The following BCL10 variants were observed in gnomAD, a reference collection of about 807,000 sequenced individuals.
The protein encoded by BCL10 is B-cell lymphoma/leukemia 10.
A neutral mutation model predicts 19.2 loss-of-function variants in BCL10; 5 were observed. The observed-to-expected ratio is 0.26, with a 90% confidence interval of 0.14 to 0.55. The LOEUF (loss-of-function observed/expected upper bound fraction) is 0.55, where lower values mean the gene tolerates loss of function less well. BCL10 is among the 20% of genes least tolerant of loss of function. The probability of loss-of-function intolerance (pLI) is 0.94; values close to 1 mark genes in which losing one functional copy is unlikely to be tolerated. For synonymous variants in BCL10, 110 were observed against 98.8 expected (o/e 1.11, Z -0.67); for missense variants, 201 against 271.9 (o/e 0.74, Z 1.83).
At position 85,267,556 on chromosome 1, in the gene BCL10, G is replaced by A. The variant is rs1339049790; in HGVS notation, c.*71C>T. ...CATCAAATGTAAACAAATGATTACA[G>A]CCATTTTATAAAAAGTCATATTCTT... is the stretch of plus-strand genomic sequence containing the variant. On this transcript the variant is annotated 3_prime_UTR_variant, in exon 3 of 3. Transcript: ENST00000648566. 3 of 1,249,922 alleles carry A rather than the reference G, an allele frequency of 2.4e-6. No individual in the cohort carries two copies. The highest frequency in any genetic ancestry group is 3.3e-6 in the Non-Finnish European group (3 of 905,022). 77.4% of individuals were successfully genotyped at this position (1,249,922 alleles called of 1,614,324 possible). A position where few individuals can be genotyped will look rare whatever the true frequency, so the allele number is the denominator to read the frequency against.
chr1:85,267,009 A>C lies in BCL10; in HGVS notation c.*618T>G, dbSNP rs1660217725. 1 of 190,828 alleles carries C rather than the reference A, an allele frequency of 5.2e-6. No individual in the cohort carries two copies. The highest frequency in any genetic ancestry group is 1.9e-4 in the South Asian group (1 of 5,160). The allele number at this position is 190,828 out of a possible 1,614,324, so 11.8% of individuals were successfully genotyped here. ...AAGCCAAGAATGTGAAAATCCTAAC[A>C]AAGTAGTATAATTAGTAAGGTTAAT... On this transcript the variant is annotated 3_prime_UTR_variant, in exon 3 of 3. Coordinates refer to ENST00000648566, the MANE Select transcript of BCL10 (RefSeq NM_003921.5).
At chr1:85,272,052 A>G (rs536436675) in intron 1 of BCL10, among the ~76,000 whole-genome samples, 1 of 152,276 alleles carries the variant, frequency 6.6e-6, no homozygotes, top group East Asian at 1.9e-4. Flanking sequence ...GGCCCAGAAA[A>G]AAAAGATTAT....
In BCL10 at chr1:85,267,470, C is replaced by T; in HGVS notation, c.*157G>A. 1 of 610,468 alleles carries T rather than the reference C, an allele frequency of 1.6e-6. No homozygotes were observed. 37.8% of individuals were successfully genotyped at this position (610,468 alleles called of 1,614,324 possible). A position where few individuals can be genotyped will look rare whatever the true frequency, so the allele number is the denominator to read the frequency against. Reference sequence around the variant, plus strand: ...TACAGTTAGCTATCCTAGAAGTATGCTTTTTTAATTCTAAAAATCCTATTT... The same window carrying T: ...TACAGTTAGCTATCCTAGAAGTATGTTTTTTTAATTCTAAAAATCCTATTT... On this transcript the variant is annotated 3_prime_UTR_variant, in exon 3 of 3. Transcript: ENST00000648566.
At chr1:85,271,970 C>T (rs966977590) in intron 1 of BCL10, among the ~76,000 whole-genome samples, 4 of 152,058 alleles carry the variant, frequency 2.6e-5, no homozygotes, top group South Asian at 2.1e-4. Context: ...AGATTTGAAT[C>T]CTACATGCAA....
At chr1:85,268,039 G>A in intron 2 of BCL10, 57 bp from the exon 3 acceptor site, 1 of 1,187,240 alleles carries the variant, frequency 8.4e-7, no homozygotes, top group African/African-American at 1.5e-5. Context: ...TGGAGTCACT[G>A]TCCATCTTGT....
rs754835118 is a variant in BCL10 at position 85,270,908 on chromosome 1, T to TA, written c.58-3dup. 82 of 1,596,700 alleles carry TA rather than the reference T, an allele frequency of 5.1e-5. No homozygotes were observed. Among genetic ancestry groups the TA allele is most frequent in the Non-Finnish European group, 6.6e-5 (78 of 1,175,868 alleles). On this transcript the variant is annotated splice_region_variant and splice_polypyrimidine_tract_variant and intron_variant, in intron 1 of 2. Coordinates refer to ENST00000648566, the MANE Select transcript of BCL10 (RefSeq NM_003921.5). ...GTATACACGTAAATTTTCTAAGGCC[T>TA]AAAAGACATAAAATATGGTTCAATG...
In BCL10 at chr1:85,276,539, C is replaced by T; in HGVS notation, c.-187G>A. 1.6e-6 allele frequency: 1 copy of T among 632,838 alleles called. No individual in the cohort carries two copies. Among genetic ancestry groups the T allele is most frequent in the Admixed American group, 2.9e-5 (1 of 34,668 alleles). The allele number at this position is 632,838 out of a possible 1,614,324, so 39.2% of individuals were successfully genotyped here. On this transcript the variant is annotated 5_prime_UTR_variant, in exon 1 of 3. Coordinates refer to ENST00000648566, the MANE Select transcript of BCL10 (RefSeq NM_003921.5). The stretch of plus-strand genomic sequence containing the variant: ...GGTCAAACCGTAGCGCTTCCGGCCC[C>T]GCCTCTGAGGTCGACGGCGACGCGA...
At position 85,266,909 on chromosome 1, in the gene BCL10, A is replaced by AAAAATACC. The variant is rs11283248; in HGVS notation, c.*710_*717dup. The AAAAATACC allele has an allele frequency of 0.014, 2,503 of 180,574 alleles. 76 individuals are homozygous for AAAAATACC. The highest frequency in any genetic ancestry group is 0.057 in the African/African-American group (2,384 of 41,960). The allele number at this position is 180,574 out of a possible 1,614,324, so 11.2% of individuals were successfully genotyped here. A position where few individuals can be genotyped will look rare whatever the true frequency, so the allele number is the denominator to read the frequency against. Reference sequence around the variant, plus strand: ...AAAAAAAAAAAAAAAGAAAAAAGGAAAAAATACCTCATCAAATTACATGTA... The same window carrying AAAAATACC: ...AAAAAAAAAAAAAAAGAAAAAAGGAAAAAATACCAAAATACCTCATCAAATTACATGTA... On this transcript the variant is annotated 3_prime_UTR_variant, in exon 3 of 3. Transcript: ENST00000648566.
chr1:85,268,198 G>C (rs1660257066), intron 2 of BCL10, among the ~76,000 whole-genome samples: 1 of 152,128 alleles, frequency 6.6e-6, no homozygotes, highest in African/African-American at 2.4e-5. Flanking sequence ...TAACAAAATA[G>C]TCTCGTGGAA....
intron 2 of BCL10, among the ~76,000 whole-genome samples, chr1:85,268,768 C>CAAAA (rs57560275): frequency 3.6e-4 from 24 of 67,062 alleles, no homozygotes; most frequent in African/African-American, 9.6e-4. Context: ...GACTCCGTCT[C>CAAAA]AAAAAAAAAA....
At chr1:85,272,747 C>T (rs2647396) in intron 1 of BCL10, among the ~76,000 whole-genome samples, 110,139 of 151,860 alleles carry the variant, frequency 0.73, 40,135 homozygotes, top group African/African-American at 0.78. Context: ...ACTCCAAGCT[C>T]CAGGTATGTT....
chr1:85,270,828 T>A lies in BCL10; in HGVS notation c.136A>T (p.Ile46Leu). 1 of 1,598,580 alleles carries A rather than the reference T, an allele frequency of 6.3e-7. No individual in the cohort carries two copies. The change falls in exon 2 of 3, where the codon ATA becomes TTA. Residue 46 changes from isoleucine (I) to leucine (L), a missense_variant. Physicochemically the swap from Ile to Leu is conservative, Grantham distance 5 (BLOSUM62 2). Transcript: ENST00000648566. ...RHFDHLRAKK[I>L]LSREDTEEIS... ...TCTTCAGTGTCTTCTCTACTGAGTA[T>A]TTTTTTTGCACGTAGATGATCAAAA...
At chr1:85,268,760 C>A (rs1177752004) in intron 2 of BCL10, among the ~76,000 whole-genome samples, 2 of 139,130 alleles carry the variant, frequency 1.4e-5, no homozygotes, top group Non-Finnish European at 3.0e-5. Context: ...AAGAGCAAGA[C>A]TCCGTCTCAA....
chr1:85,274,832 ACCTTTTG>A (rs1660471493), intron 1 of BCL10, among the ~76,000 whole-genome samples: 1 of 152,206 alleles, frequency 6.6e-6, no homozygotes, highest in Non-Finnish European at 1.5e-5. Flanking sequence ...TCTTTCATAG[ACCTTTTG>A]AAACCCATCC....
Position 85,276,617 on chromosome 1 carries a change from G to A in BCL10, c.-265C>T, listed in dbSNP as rs1570341985. Reference sequence around the variant, plus strand: ...AGCAGCGTTCCTTCCCTCTCGTAGAGGCTCAGGCGCAGGCACCGCCCCACG... The same window carrying A: ...AGCAGCGTTCCTTCCCTCTCGTAGAAGCTCAGGCGCAGGCACCGCCCCACG... On this transcript the variant is annotated 5_prime_UTR_variant, in exon 1 of 3. Transcript: ENST00000648566. The A allele has an allele frequency of 1.8e-6, 1 of 560,692 alleles. No individual in the cohort carries two copies. The highest frequency in any genetic ancestry group is 1.9e-5 in the African/African-American group (1 of 52,696). The allele number at this position is 560,692 out of a possible 1,614,324, so 34.7% of individuals were successfully genotyped here. A position where few individuals can be genotyped will look rare whatever the true frequency, so the allele number is the denominator to read the frequency against.
intron 2 of BCL10, among the ~76,000 whole-genome samples, chr1:85,269,107 T>C (rs1660288690): frequency 6.6e-6 from 1 of 152,208 alleles, no homozygotes; most frequent in African/African-American, 2.4e-5. Flanking sequence ...CTTTTTCTTC[T>C]CTTTCACACT....
chr1:85,276,562 C>G lies in BCL10; in HGVS notation c.-210G>C, dbSNP rs1570341812. On this transcript the variant is annotated 5_prime_UTR_variant, in exon 1 of 3. Coordinates refer to ENST00000648566, the MANE Select transcript of BCL10 (RefSeq NM_003921.5). ...CCCGCCTCTGAGGTCGACGGCGACGCGAATCTACGCGACGCGACGCGGAGC... is the reference window on the plus strand; with the variant it reads ...CCCGCCTCTGAGGTCGACGGCGACGGGAATCTACGCGACGCGACGCGGAGC... The G allele has an allele frequency of 3.3e-5, 20 of 598,054 alleles. No individual in the cohort carries two copies. In the East Asian group the frequency reaches 5.7e-4, roughly 17 times the overall value. 37.0% of individuals were successfully genotyped at this position (598,054 alleles called of 1,614,324 possible).
chr1:85,272,597 C>T (rs1660398077), intron 1 of BCL10, among the ~76,000 whole-genome samples: 2 of 151,906 alleles, frequency 1.3e-5, no homozygotes, highest in Admixed American at 6.6e-5. Context: ...CAATGTTCTG[C>T]CCTGTCTTAA....
At position 85,276,293 on chromosome 1, in the gene BCL10, C is replaced by T; in HGVS notation, c.57+3G>A. 1 of 1,612,832 alleles carries T rather than the reference C, an allele frequency of 6.2e-7. No individual in the cohort carries two copies. The highest frequency in any genetic ancestry group is 8.5e-7 in the Non-Finnish European group (1 of 1,179,036). ...CCGCCCTGGGCACAGCTGCGTTACT[C>T]ACGTCCTTCTTCACTTCAGTGAGGT... On this transcript the variant is annotated splice_donor_region_variant and intron_variant, in intron 1 of 2. Transcript: ENST00000648566.
Sources: allele counts gnomAD v4.1 joint callset (sites outside exome capture counted in the v4.1 genomes callset), GRCh38; gene constraint gnomAD v4.1.1; transcripts MANE v1.5; gene names NCBI Gene and HGNC (gene_info 2026-07-23, HGNC 2026-07-21).